Variants in ASCC3 observed in about 807,000 individuals in gnomAD.
ASCC3 encodes ASC-1 complex subunit P200.
A neutral mutation model predicts 256.3 loss-of-function variants in ASCC3; 158 were observed. That is an observed-to-expected ratio of 0.62 (90% CI 0.54 to 0.70). The LOEUF is 0.70. Ranked by LOEUF, ASCC3 falls within the 30% of genes least tolerant of loss-of-function variation. The pLI is 0.00. For synonymous variants in ASCC3, 948 were observed against 883.4 expected, an observed-to-expected ratio of 1.07 and a Z score of -1.30; for missense variants, 2,259 against 2,626.0, an observed-to-expected ratio of 0.86 and a Z score of 3.05.
chr6:100,540,224 G>T lies in ASCC3; in HGVS notation c.5714C>A (p.Pro1905His). The change falls in exon 37 of 42, where the codon CCC (proline) becomes CAC (histidine). Residue 1905 changes from proline (P) to histidine (H), a missense_variant. Physicochemically the swap from Pro to His is moderately conservative, Grantham distance 77. Transcript: ENST00000369162. ...LQAHLSRAML[P>H]CPDYDTDTKT... ...GGTATCAGTGTCATAATCTGGGCAGGGTAGCATGGCTCGGCTGAGATGTGC... is the reference window on the plus strand; with the variant it reads ...GGTATCAGTGTCATAATCTGGGCAGTGTAGCATGGCTCGGCTGAGATGTGC... 1 of 1,614,086 alleles carries T rather than the reference G, an allele frequency of 6.2e-7. No individual in the cohort carries two copies. Among genetic ancestry groups the T allele is most frequent in the Non-Finnish European group, 8.5e-7 (1 of 1,179,998 alleles).
intron 37 of ASCC3, among the ~76,000 whole-genome samples, chr6:100,524,428 T>C (rs966326071): frequency 6.6e-6 from 1 of 152,164 alleles, no homozygotes. Context: ...TTTTGAAACA[T>C]GACTGAATTC....
At chr6:100,876,870 G>A (rs1303236855) in intron 1 of ASCC3, among the ~76,000 whole-genome samples, 1 of 151,924 alleles carries the variant, frequency 6.6e-6, no homozygotes, top group Non-Finnish European at 1.5e-5. Flanking sequence ...CATACGTACA[G>A]GTAAAAAGAA....
At chr6:100,694,224 T>C (rs1371910309) in intron 13 of ASCC3, among the ~76,000 whole-genome samples, 6 of 151,672 alleles carry the variant, frequency 4.0e-5, no homozygotes, top group African/African-American at 1.5e-4. Context: ...CCCAGCACTT[T>C]GGGAGGCCTA....
At chr6:100,628,594 CTT>C (rs1774371998) in intron 27 of ASCC3, among the ~76,000 whole-genome samples, 2 of 152,076 alleles carry the variant, frequency 1.3e-5, no homozygotes, top group East Asian at 3.9e-4. Context: ...ACCTTGCTCT[CTT>C]GTTCCTGCTC....
chr6:100,563,858 T>C (rs553203739), intron 36 of ASCC3, among the ~76,000 whole-genome samples: 4 of 152,252 alleles, frequency 2.6e-5, no homozygotes, highest in Non-Finnish European at 4.4e-5. Flanking sequence ...TTATTACTAA[T>C]GAAAGCTAGC....
At chr6:100,521,116 C>T (rs1421341724) in intron 37 of ASCC3, among the ~76,000 whole-genome samples, 4 of 152,066 alleles carry the variant, frequency 2.6e-5, no homozygotes, top group Non-Finnish European at 5.9e-5. Flanking sequence ...TGCACATCTA[C>T]CAAATACAGT....
chr6:100,878,299 T>C (rs557826242), intron 1 of ASCC3, among the ~76,000 whole-genome samples: 103 of 152,310 alleles, frequency 6.8e-4, no homozygotes, highest in African/African-American at 2.4e-3. Context: ...ATTCTCTAAC[T>C]TATCCTCTAA....
At chr6:100,545,849 G>A (rs924759018) in intron 36 of ASCC3, among the ~76,000 whole-genome samples, 1 of 152,132 alleles carries the variant, frequency 6.6e-6, no homozygotes, top group Non-Finnish European at 1.5e-5. Context: ...CCAAAGCGCT[G>A]GGATTACATA....
intron 10 of ASCC3, among the ~76,000 whole-genome samples, chr6:100,748,082 T>C (rs1780769537): frequency 6.6e-6 from 1 of 152,060 alleles, no homozygotes; most frequent in African/African-American, 2.4e-5. Context: ...TCTTCTAGGA[T>C]CAATTCTATA....
At chr6:100,792,228 C>T (rs1769381922) in intron 8 of ASCC3, among the ~76,000 whole-genome samples, 1 of 151,780 alleles carries the variant, frequency 6.6e-6, no homozygotes, top group African/African-American at 2.4e-5. Flanking sequence ...GTAATACTTC[C>T]TGTTGATACA....
chr6:100,634,404 C>A (rs1182963818), intron 25 of ASCC3, among the ~76,000 whole-genome samples: 3 of 152,156 alleles, frequency 2.0e-5, no homozygotes, highest in Non-Finnish European at 4.4e-5. Context: ...TCTCTCCCTT[C>A]CCCCTACCCA....
chr6:100,756,442 C>G (rs9399685), intron 10 of ASCC3, among the ~76,000 whole-genome samples: 83,472 of 151,882 alleles, frequency 0.55, 23,312 homozygotes, highest in South Asian at 0.75. Context: ...TAATCTTTGA[C>G]ATACGTCTTA....
intron 37 of ASCC3, among the ~76,000 whole-genome samples, chr6:100,535,078 G>A (rs1322010474): frequency 2.6e-5 from 4 of 152,184 alleles, no homozygotes; most frequent in African/African-American, 9.7e-5. Flanking sequence ...TAAGGTGTTA[G>A]TTTTACTCAG....
chr6:100,866,304 C>T (rs1353595604), intron 2 of ASCC3, among the ~76,000 whole-genome samples: 1 of 152,216 alleles, frequency 6.6e-6, no homozygotes, highest in African/African-American at 2.4e-5. Context: ...GTCCAAAATA[C>T]ATTCAAATGA....
intron 40 of ASCC3, among the ~76,000 whole-genome samples, chr6:100,510,481 C>A (rs1773706649): frequency 6.6e-6 from 1 of 152,118 alleles, no homozygotes; most frequent in Non-Finnish European, 1.5e-5. Flanking sequence ...TTAATCAAAT[C>A]TTCCAAAACC....
intron 37 of ASCC3, among the ~76,000 whole-genome samples, chr6:100,531,938 C>A (rs1197961092): frequency 5.3e-5 from 8 of 151,636 alleles, no homozygotes; most frequent in Admixed American, 5.3e-4. Flanking sequence ...GATTGCTACA[C>A]AATACAATAT....
At chr6:100,746,087 C>CT (rs1259356985) in intron 10 of ASCC3, among the ~76,000 whole-genome samples, 2 of 97,832 alleles carry the variant, frequency 2.0e-5, no homozygotes, top group Admixed American at 2.4e-4. Flanking sequence ...ATTCCAAACA[C>CT]TTCACATGTA....
intron 27 of ASCC3, among the ~76,000 whole-genome samples, 162 bp from the exon 28 acceptor site, chr6:100,628,149 A>G (rs1187309938): frequency 1.3e-5 from 2 of 151,940 alleles, no homozygotes; most frequent in East Asian, 1.9e-4. Context: ...CTGCAATCCT[A>G]CTCCCAGTGC....
At chr6:100,813,039 G>A (rs1420714727) in intron 4 of ASCC3, among the ~76,000 whole-genome samples, 1 of 151,982 alleles carries the variant, frequency 6.6e-6, no homozygotes, top group Non-Finnish European at 1.5e-5. Flanking sequence ...ACACCATTAA[G>A]TGCACCAACA....
Sources: allele counts gnomAD v4.1 joint callset (sites outside exome capture counted in the v4.1 genomes callset), GRCh38; gene constraint gnomAD v4.1.1; transcripts MANE v1.5; gene names NCBI Gene and HGNC (gene_info 2026-07-23, HGNC 2026-07-21).